The following NRXN3 variants were observed in gnomAD, a reference collection of about 807,000 sequenced individuals.
NRXN3 encodes the protein neurexin III.
NRXN3 carries 32 observed loss-of-function variants against 137.6 expected under a neutral mutation model. The ratio of observed to expected loss-of-function variants is 0.23; its 90% CI spans 0.18 to 0.31. NRXN3 has a LOEUF of 0.31. Ranked by LOEUF, NRXN3 falls within the 10% of genes least tolerant of loss-of-function variation. The pLI is 1.00. For missense variants in NRXN3, 1,574 were observed against 2,062.5 expected, an observed-to-expected ratio of 0.76 and a Z score of 4.59; for synonymous variants, 798 against 784.5, an observed-to-expected ratio of 1.02 and a Z score of -0.29.
chr14:78,584,535 T>C (rs1460535976), intron 4 of NRXN3, among the ~76,000 whole-genome samples: 1 of 152,224 alleles, frequency 6.6e-6, no homozygotes, highest in Non-Finnish European at 1.5e-5. Context: ...TCCCTAGTTC[T>C]TTCCCAAACA....
intron 10 of NRXN3, among the ~76,000 whole-genome samples, chr14:78,913,700 T>G (rs980161673): frequency 2.6e-5 from 4 of 152,072 alleles, no homozygotes; most frequent in Non-Finnish European, 5.9e-5. Context: ...GCTTGTGCCT[T>G]TGTTTGTAGC....
intron 8 of NRXN3, among the ~76,000 whole-genome samples, chr14:78,761,363 T>C (rs1177428690): frequency 1.3e-5 from 2 of 151,964 alleles, no homozygotes; most frequent in South Asian, 2.1e-4. Flanking sequence ...GGGCTGAGAG[T>C]GTGAAAGTCA....
At chr14:79,343,969 T>G (rs2092743202) in intron 15 of NRXN3, among the ~76,000 whole-genome samples, 1 of 152,144 alleles carries the variant, frequency 6.6e-6, no homozygotes, top group Non-Finnish European at 1.5e-5. Context: ...GAGGGATAGC[T>G]GATTTAGTTA....
At chr14:78,331,404 G>A (rs2080802361) in intron 4 of NRXN3, among the ~76,000 whole-genome samples, 1 of 152,108 alleles carries the variant, frequency 6.6e-6, no homozygotes, top group South Asian at 2.1e-4. Context: ...ATGAAAAAAT[G>A]GGATGGAGAA....
intron 4 of NRXN3, among the ~76,000 whole-genome samples, chr14:78,541,183 G>T (rs2096585873): frequency 6.6e-6 from 1 of 151,966 alleles, no homozygotes; most frequent in Non-Finnish European, 1.5e-5. Flanking sequence ...GGTTGGGGAA[G>T]TTCTGGATAA....
At chr14:78,270,470 G>A (rs1378873123) in intron 2 of NRXN3, among the ~76,000 whole-genome samples, 1 of 152,172 alleles carries the variant, frequency 6.6e-6, no homozygotes, top group African/African-American at 2.4e-5. Flanking sequence ...GTGCCCATCT[G>A]CTATGAGGAC....
At chr14:79,280,506 A>G (rs779217742) in intron 15 of NRXN3, 8 of 1,613,292 alleles carry the variant, frequency 5.0e-6, no homozygotes, top group Non-Finnish European at 5.9e-6. Flanking sequence ...ATTTCTATCT[A>G]TCGTTCCCCT....
chr14:79,102,550 A>G (rs944550216), intron 15 of NRXN3, among the ~76,000 whole-genome samples: 1 of 152,184 alleles, frequency 6.6e-6, no homozygotes, highest in Non-Finnish European at 1.5e-5. Context: ...GGGAAAAGAT[A>G]GTCTAGATAG....
At chr14:78,634,788 A>G (rs10483911) in intron 4 of NRXN3, among the ~76,000 whole-genome samples, 11,642 of 152,232 alleles carry the variant, frequency 0.076, 541 homozygotes, top group Middle Eastern at 0.15. Context: ...TGTTACATAC[A>G]AATAGAGCTG....
chr14:78,999,236 C>T (rs2099536616), intron 15 of NRXN3, among the ~76,000 whole-genome samples: 2 of 152,014 alleles, frequency 1.3e-5, no homozygotes, highest in South Asian at 4.2e-4. Flanking sequence ...AGGAACCTTG[C>T]ATTATTGGTA....
At chr14:78,781,251 A>C (rs1246047434) in intron 8 of NRXN3, among the ~76,000 whole-genome samples, 1 of 152,202 alleles carries the variant, frequency 6.6e-6, no homozygotes, top group African/African-American at 2.4e-5. Flanking sequence ...ATATATTAAT[A>C]ATATAAAAAC....
chr14:79,841,409 T>C (rs2099355581), intron 20 of NRXN3, among the ~76,000 whole-genome samples: 1 of 152,156 alleles, frequency 6.6e-6, no homozygotes, highest in African/African-American at 2.4e-5. Context: ...AAGAAAACAG[T>C]CAAAATTATG....
At chr14:79,571,335 A>C (rs529967022) in intron 16 of NRXN3, among the ~76,000 whole-genome samples, 71 of 152,338 alleles carry the variant, frequency 4.7e-4, no homozygotes, top group African/African-American at 1.6e-3. Flanking sequence ...TGATACTGCA[A>C]GACATATCCT....
At chr14:78,578,754 T>C (rs980169736) in intron 4 of NRXN3, among the ~76,000 whole-genome samples, 5 of 152,082 alleles carry the variant, frequency 3.3e-5, no homozygotes, top group Non-Finnish European at 5.9e-5. Flanking sequence ...TCTGTGAGAC[T>C]TTGCGGATCA....
intron 1 of NRXN3, among the ~76,000 whole-genome samples, chr14:78,182,369 A>T (rs1249171072): frequency 6.6e-6 from 1 of 152,080 alleles, no homozygotes; most frequent in Non-Finnish European, 1.5e-5. Context: ...GAACTGAAGG[A>T]CAGATGGGGG....
At chr14:79,142,924 T>G (rs1388158717) in intron 15 of NRXN3, among the ~76,000 whole-genome samples, 1 of 152,226 alleles carries the variant, frequency 6.6e-6, no homozygotes, top group Non-Finnish European at 1.5e-5. Context: ...ATAGATGGGT[T>G]GATAACTGTA....
At chr14:78,679,063 C>T (rs539248216) in intron 6 of NRXN3, among the ~76,000 whole-genome samples, 1 of 152,266 alleles carries the variant, frequency 6.6e-6, no homozygotes, top group South Asian at 2.1e-4. Context: ...CAACCAAACC[C>T]TCAAAGCAGA....
chr14:79,820,927 T>C (rs2099270154), intron 20 of NRXN3, among the ~76,000 whole-genome samples: 1 of 152,082 alleles, frequency 6.6e-6, no homozygotes, highest in African/African-American at 2.4e-5. Context: ...GTGATAACAT[T>C]ATGAGCTTTC....
chr14:78,773,164 A>G (rs1171572666), intron 8 of NRXN3, among the ~76,000 whole-genome samples: 1 of 152,182 alleles, frequency 6.6e-6, no homozygotes, highest in African/African-American at 2.4e-5. Flanking sequence ...CTGCTTTGCA[A>G]ACTCAAGTTC....
Sources: allele counts gnomAD v4.1 joint callset (sites outside exome capture counted in the v4.1 genomes callset), GRCh38; gene constraint gnomAD v4.1.1; transcripts MANE v1.5; gene names NCBI Gene and HGNC (gene_info 2026-07-23, HGNC 2026-07-21).